Variants in RP1 observed in about 807,000 individuals in gnomAD.
The protein encoded by RP1 is oxygen-regulated protein 1.
In RP1, 16 loss-of-function variants were observed where a neutral mutation model predicts 14.8. The observed-to-expected ratio is 1.08, with a 90% CI of 0.73 to 1.65. RP1 has a LOEUF of 1.65. Among genes scored for constraint, RP1 ranks in the 40% most tolerant of loss-of-function variants. The probability of loss-of-function intolerance (pLI) is 0.00; values close to 1 mark genes in which losing one functional copy is unlikely to be tolerated. For synonymous variants in RP1, 876 were observed against 883.6 expected, an observed-to-expected ratio of 0.99 and a Z score of 0.15; for missense variants, 2,631 against 2,535.0, an observed-to-expected ratio of 1.04 and a Z score of -0.81.
intron 1 of RP1, among the ~76,000 whole-genome samples, chr8:54,563,098 CAGAGAG>C (rs374741167): frequency 5.0e-4 from 75 of 150,744 alleles, no homozygotes; most frequent in African/African-American, 1.8e-3. Context: ...ATCAGCTCTT[CAGAGAG>C]AGAGAGAGAG....
At chr8:54,608,201 T>TA (rs773569684) in intron 1 of RP1, among the ~76,000 whole-genome samples, 2 of 146,282 alleles carry the variant, frequency 1.4e-5, no homozygotes, top group Non-Finnish European at 3.0e-5. Flanking sequence ...TTTTTTTTTT[T>TA]AATTTGAGAT....
chr8:54,573,564 T>C (rs1804576280), intron 1 of RP1, among the ~76,000 whole-genome samples: 2 of 152,152 alleles, frequency 1.3e-5, no homozygotes, highest in Admixed American at 6.5e-5. Context: ...TAAGAATTCT[T>C]AGATTTAAAT....
chr8:54,694,945 T>C (rs1371997660), intron 12 of RP1, among the ~76,000 whole-genome samples: 1 of 152,182 alleles, frequency 6.6e-6, no homozygotes, highest in Non-Finnish European at 1.5e-5. Context: ...CTGCTTTCTC[T>C]TGTGGGCATT....
At chr8:54,672,049 G>C (rs1807193223) in intron 7 of RP1, among the ~76,000 whole-genome samples, 1 of 152,082 alleles carries the variant, frequency 6.6e-6, no homozygotes, top group Non-Finnish European at 1.5e-5. Flanking sequence ...TCTTCCCTGG[G>C]CTTATATATT....
At chr8:54,646,373 T>G (rs1806550655) in intron 3 of RP1, among the ~76,000 whole-genome samples, 1 of 151,616 alleles carries the variant, frequency 6.6e-6, no homozygotes. Flanking sequence ...TGACCTCGCC[T>G]CACTAAAATA....
chr8:54,821,876 G>GA (rs1458900461), intron 24 of RP1, among the ~76,000 whole-genome samples: 1 of 151,772 alleles, frequency 6.6e-6, no homozygotes, highest in African/African-American at 2.4e-5. Context: ...GTTCAAGCAG[G>GA]AAAAAAAATG....
At chr8:54,648,323 A>G (rs953604164) in intron 3 of RP1, among the ~76,000 whole-genome samples, 1 of 152,208 alleles carries the variant, frequency 6.6e-6, no homozygotes, top group African/African-American at 2.4e-5. Context: ...TCATACCACT[A>G]TTAATGTACT....
chr8:54,640,014 C>G (rs529034369), intron 3 of RP1, among the ~76,000 whole-genome samples: 8 of 152,050 alleles, frequency 5.3e-5, no homozygotes, highest in Non-Finnish European at 1.0e-4. Context: ...TAAGAAATCT[C>G]TGCCTGCCTA....
intron 24 of RP1, among the ~76,000 whole-genome samples, chr8:54,831,031 G>A (rs759240902): frequency 1.3e-5 from 2 of 151,910 alleles, no homozygotes; most frequent in Admixed American, 6.6e-5. Context: ...GCATACATCC[G>A]TACTTCACTT....
intron 1 of RP1, among the ~76,000 whole-genome samples, chr8:54,585,914 GT>G (rs1203399685): frequency 2.6e-5 from 4 of 152,126 alleles, no homozygotes; most frequent in African/African-American, 9.7e-5. Flanking sequence ...TATTTTTAAG[GT>G]TTTTAACTTC....
chr8:54,749,919 T>C (rs1809316709), intron 19 of RP1, among the ~76,000 whole-genome samples: 1 of 151,746 alleles, frequency 6.6e-6, no homozygotes, highest in Admixed American at 6.6e-5. Flanking sequence ...CCTTGACTGA[T>C]GGGCTAGAGA....
At chr8:54,825,002 G>A (rs1169056748) in intron 24 of RP1, among the ~76,000 whole-genome samples, 2 of 150,448 alleles carry the variant, frequency 1.3e-5, no homozygotes, top group Non-Finnish European at 2.9e-5. Flanking sequence ...GGCTCGCTCT[G>A]TCGCCCAGGC....
At chr8:54,593,474 T>C (rs1255988610) in intron 1 of RP1, among the ~76,000 whole-genome samples, 1 of 152,234 alleles carries the variant, frequency 6.6e-6, no homozygotes, top group African/African-American at 2.4e-5. Flanking sequence ...TAAATCCCAG[T>C]CTCTCAGCTT....
At chr8:54,731,195 G>A (rs763607988) in intron 17 of RP1, among the ~76,000 whole-genome samples, 2 of 152,020 alleles carry the variant, frequency 1.3e-5, no homozygotes. Context: ...TTCCACTAGA[G>A]CTTCAGTGGA....
Position 54,626,654 on chromosome 8 carries a change from T to C in RP1, c.2772T>C (p.Asn924=). 1 of 1,613,886 alleles carries C rather than the reference T, an allele frequency of 6.2e-7. No homozygotes were observed. The highest frequency in any genetic ancestry group is 1.1e-5 in the South Asian group (1 of 91,072). ...NYIQSWLQNI[N]PYPTLKPIKS... ...TACAGAGTTGGTTGCAGAACATAAA[T>C]CCATATCCAACTTTAAAGCCTATAA... Residue 924 remains asparagine (N), a synonymous_variant, in exon 4 of 4, where the codon AAT becomes AAC. Transcript: ENST00000220676.
intron 12 of RP1, among the ~76,000 whole-genome samples, chr8:54,695,014 G>T (rs1387847980): frequency 6.6e-6 from 1 of 151,998 alleles, no homozygotes; most frequent in Non-Finnish European, 1.5e-5. Context: ...ATTCTGGTAT[G>T]TTGCGTCTTT....
intron 26 of RP1, among the ~76,000 whole-genome samples, chr8:54,856,759 G>A (rs1321568776): frequency 1.3e-5 from 2 of 152,164 alleles, no homozygotes; most frequent in East Asian, 1.9e-4. Context: ...TTATTAGTAA[G>A]AGTAGATTTA....
chr8:54,587,425 C>CAAA (rs568598595), intron 1 of RP1, among the ~76,000 whole-genome samples: 6 of 94,988 alleles, frequency 6.3e-5, no homozygotes, highest in Admixed American at 1.2e-4. Context: ...GACCCTGTCT[C>CAAA]AAAAAAAAAA....
intron 1 of RP1, among the ~76,000 whole-genome samples, chr8:54,600,638 T>G (rs1461829805): frequency 6.6e-6 from 1 of 151,956 alleles, no homozygotes; most frequent in Non-Finnish European, 1.5e-5. Flanking sequence ...GCCTCATTAT[T>G]GCTGGAGAAG....
Sources: allele counts gnomAD v4.1 joint callset (sites outside exome capture counted in the v4.1 genomes callset), GRCh38; gene constraint gnomAD v4.1.1; transcripts MANE v1.5; gene names NCBI Gene and HGNC (gene_info 2026-07-23, HGNC 2026-07-21).